Variants in KCTD8 observed in about 807,000 individuals in gnomAD.
The protein encoded by KCTD8 is potassium channel tetramerization domain containing 8, also known as BTB/POZ domain-containing protein KCTD8.
KCTD8 carries 27 observed loss-of-function variants against 31.5 expected under a neutral mutation model. The observed-to-expected ratio is 0.86, with a 90% CI of 0.63 to 1.18. The LOEUF is 1.18. Among genes scored for constraint, KCTD8 ranks in the 50% most tolerant of loss-of-function variants. The pLI, the probability that KCTD8 is intolerant of heterozygous loss-of-function variation, is 0.00. For missense variants in KCTD8, 658 were observed against 647.7 expected (o/e 1.02, Z -0.17); for synonymous variants, 290 against 280.0 (o/e 1.04, Z -0.36).
intron 1 of KCTD8, among the ~76,000 whole-genome samples, chr4:44,176,726 T>C (rs1204845280): frequency 6.6e-6 from 1 of 152,204 alleles, no homozygotes; most frequent in Non-Finnish European, 1.5e-5. Context: ...TATGACTGTA[T>C]ACATTTGTGA....
chr4:44,405,180 A>G (rs1345642015), intron 1 of KCTD8, among the ~76,000 whole-genome samples: 1 of 152,076 alleles, frequency 6.6e-6, no homozygotes, highest in Non-Finnish European at 1.5e-5. Flanking sequence ...TAGGTTAAAA[A>G]AAAAAGGTCA....
chr4:44,362,595 T>C (rs1202619719), intron 1 of KCTD8, among the ~76,000 whole-genome samples: 1 of 152,016 alleles, frequency 6.6e-6, no homozygotes. Flanking sequence ...ATGAAGTGAT[T>C]ATAAAAATAG....
intron 1 of KCTD8, among the ~76,000 whole-genome samples, chr4:44,265,317 A>C (rs1716311344): frequency 6.6e-6 from 1 of 152,162 alleles, no homozygotes; most frequent in Non-Finnish European, 1.5e-5. Flanking sequence ...CTCCAACAGA[A>C]CTGCAGCTGA....
intron 1 of KCTD8, among the ~76,000 whole-genome samples, chr4:44,398,613 C>G (rs1720569195): frequency 6.6e-6 from 1 of 152,156 alleles, no homozygotes; most frequent in Admixed American, 6.6e-5. Context: ...TCACTTAGGT[C>G]TATCACAGAA....
chr4:44,177,252 C>A (rs1713243733), intron 1 of KCTD8, among the ~76,000 whole-genome samples: 1 of 152,034 alleles, frequency 6.6e-6, no homozygotes, highest in Admixed American at 6.5e-5. Context: ...CAGTCAACAG[C>A]AAAGACTAGC....
intron 1 of KCTD8, among the ~76,000 whole-genome samples, chr4:44,322,026 T>C (rs796560553): frequency 3.9e-5 from 6 of 152,176 alleles, no homozygotes; most frequent in African/African-American, 1.4e-4. Flanking sequence ...GTTGATTCTG[T>C]ATCTTGGCTG....
chr4:44,333,021 A>G (rs986780661), intron 1 of KCTD8, among the ~76,000 whole-genome samples: 17 of 152,186 alleles, frequency 1.1e-4, no homozygotes, highest in Non-Finnish European at 8.8e-5. Context: ...TACACCTGCT[A>G]TGTTCACAAC....
chr4:44,384,557 A>T (rs185247356), intron 1 of KCTD8, among the ~76,000 whole-genome samples: 12 of 152,056 alleles, frequency 7.9e-5, no homozygotes, highest in Non-Finnish European at 1.8e-4. Context: ...GTCCTAATTC[A>T]TATGTGGAAG....
At chr4:44,308,591 T>C (rs1043454095) in intron 1 of KCTD8, among the ~76,000 whole-genome samples, 3 of 152,122 alleles carry the variant, frequency 2.0e-5, no homozygotes, top group African/African-American at 7.2e-5. Flanking sequence ...CCTTTTTTGA[T>C]ATGTTGTAAA....
At chr4:44,332,846 A>T (rs568848404) in intron 1 of KCTD8, among the ~76,000 whole-genome samples, 1 of 152,116 alleles carries the variant, frequency 6.6e-6, no homozygotes, top group South Asian at 2.1e-4. Context: ...TTGGTTTTAC[A>T]TGACAGACCA....
At chr4:44,378,014 G>T (rs920026499) in intron 1 of KCTD8, among the ~76,000 whole-genome samples, 11 of 151,456 alleles carry the variant, frequency 7.3e-5, no homozygotes, top group African/African-American at 2.2e-4. Context: ...TGATGAGATC[G>T]CCCGTATGTA....
Position 44,277,501 on chromosome 4 carries a change from C to T in KCTD8, c.962-102251G>A, listed in dbSNP as rs146230269. On this transcript the variant is annotated intron_variant, in intron 1 of 1. Coordinates refer to ENST00000360029, the MANE Select transcript of KCTD8 (RefSeq NM_198353.3). The stretch of plus-strand genomic sequence containing the variant: ...GAAAAGAAACAGTACACTGTTGGTA[C>T]GCTGCAAAAAACAGCTACACGGAGT... Among the ~76,000 whole-genome samples the T allele has an allele frequency of 5.7e-3, 872 of 151,808 alleles. 9 individuals carry two copies. The highest frequency in any genetic ancestry group is 0.018 in the African/African-American group (757 of 41,472).
At chr4:44,181,482 G>A (rs1399545906) in intron 1 of KCTD8, among the ~76,000 whole-genome samples, 5 of 152,274 alleles carry the variant, frequency 3.3e-5, no homozygotes, top group East Asian at 3.9e-4. Context: ...TCCTAACCGC[G>A]AGTGATCTGC....
intron 1 of KCTD8, among the ~76,000 whole-genome samples, chr4:44,280,737 G>A (rs1434260995): frequency 6.6e-6 from 1 of 151,942 alleles, no homozygotes. Context: ...TTTTCATTAT[G>A]ATCCTATAGC....
At chr4:44,346,232 T>G (rs1719033599) in intron 1 of KCTD8, among the ~76,000 whole-genome samples, 1 of 152,186 alleles carries the variant, frequency 6.6e-6, no homozygotes. Flanking sequence ...AAAATGACCT[T>G]AGGATCATAA....
intron 1 of KCTD8, among the ~76,000 whole-genome samples, chr4:44,318,558 G>A (rs1718205534): frequency 6.6e-6 from 1 of 152,156 alleles, no homozygotes; most frequent in Admixed American, 6.5e-5. Context: ...GTCAGATGTG[G>A]GTAGAAAAGT....
chr4:44,430,410 T>A (rs1721475817), intron 1 of KCTD8, among the ~76,000 whole-genome samples: 1 of 151,650 alleles, frequency 6.6e-6, no homozygotes, highest in Non-Finnish European at 1.5e-5. Context: ...AGAAAGTATG[T>A]ATTGAAAGAA....
chr4:44,360,436 C>A (rs540485920), intron 1 of KCTD8, among the ~76,000 whole-genome samples: 1 of 152,044 alleles, frequency 6.6e-6, no homozygotes, highest in South Asian at 2.1e-4. Flanking sequence ...CTACGGAAAA[C>A]TTAGACATAG....
At chr4:44,300,910 C>T (rs543599362) in intron 1 of KCTD8, among the ~76,000 whole-genome samples, 1 of 143,760 alleles carries the variant, frequency 7.0e-6, no homozygotes, top group African/African-American at 2.6e-5. Flanking sequence ...TGTTCCCCTT[C>T]CTGTGTCCAT....
Sources: gnomAD v4.1 joint callset for allele counts (sites outside exome capture counted in the v4.1 genomes callset) on GRCh38, gnomAD v4.1.1 for gene constraint, MANE v1.5 for transcripts, NCBI Gene and HGNC (gene_info 2026-07-23, HGNC 2026-07-21) for gene names.